COPG2: variants seen among roughly 807,000 people sequenced by gnomAD.
COPG2 encodes coat protein complex I subunit gamma 2.
A neutral mutation model predicts 46.3 loss-of-function variants in COPG2; 37 were observed. The ratio of observed to expected loss-of-function variants is 0.80; its 90% CI spans 0.61 to 1.05. The LOEUF (loss-of-function observed/expected upper bound fraction) is 1.05, where lower values mean the gene tolerates loss of function less well. Ranked by LOEUF, COPG2 falls within the 50% of genes least tolerant of loss-of-function variation. The pLI is 0.00. For missense variants in COPG2, 427 were observed against 387.8 expected, an observed-to-expected ratio of 1.10 and a Z score of -0.85; for synonymous variants, 159 against 129.7, an observed-to-expected ratio of 1.23 and a Z score of -1.53.
chr7:130,543,519 G>T (rs1171041185), intron 20 of COPG2, among the ~76,000 whole-genome samples: 3 of 152,194 alleles, frequency 2.0e-5, no homozygotes, highest in Non-Finnish European at 2.9e-5. Flanking sequence ...TCTGAAGGAT[G>T]AGCTTCATCA....
chr7:130,519,005 CAAAAAAAAAA>C (rs1163859617), intron 20 of COPG2, among the ~76,000 whole-genome samples: 1 of 116,468 alleles, frequency 8.6e-6, no homozygotes, highest in Non-Finnish European at 1.7e-5. Flanking sequence ...GACTCTGTCT[CAAAAAAAAAA>C]AAAAAAAAGA....
chr7:130,528,207 C>T (rs1331037573), intron 20 of COPG2, among the ~76,000 whole-genome samples: 11 of 151,830 alleles, frequency 7.2e-5, no homozygotes, highest in African/African-American at 2.7e-4. Flanking sequence ...AGAGGGTGGG[C>T]AGGTGGAGTG....
At chr7:130,549,620 G>A (rs1793504278) in intron 17 of COPG2, among the ~76,000 whole-genome samples, 2 of 152,020 alleles carry the variant, frequency 1.3e-5, no homozygotes, top group East Asian at 1.9e-4. Flanking sequence ...TAAATGGACT[G>A]GAATGTACAA....
intron 9 of COPG2, among the ~76,000 whole-genome samples, chr7:130,603,645 C>T (rs1483804892): frequency 1.4e-5 from 2 of 145,018 alleles, no homozygotes; most frequent in Admixed American, 7.4e-5. Context: ...CAATTGAACC[C>T]GGGAGGCAGA....
At chr7:130,647,615 T>A (rs925311288) in intron 5 of COPG2, among the ~76,000 whole-genome samples, 2 of 152,168 alleles carry the variant, frequency 1.3e-5, no homozygotes, top group African/African-American at 4.8e-5. Flanking sequence ...CTATCTACAG[T>A]GTATGGGAGT....
intron 5 of COPG2, among the ~76,000 whole-genome samples, chr7:130,620,828 A>G (rs1554453533): frequency 6.6e-6 from 1 of 152,168 alleles, no homozygotes; most frequent in South Asian, 2.1e-4. Flanking sequence ...AATATGGTGA[A>G]TGTGTTTTGC....
intron 5 of COPG2, among the ~76,000 whole-genome samples, chr7:130,643,461 A>T (rs1349313178): frequency 6.6e-6 from 1 of 152,072 alleles, no homozygotes; most frequent in African/African-American, 2.4e-5. Context: ...CATTATTATT[A>T]TTTTTTTAAG....
rs1487112197 is a variant in COPG2 at position 130,574,241 on chromosome 7, ATAT to A, written c.738-9851_738-9849del. Among the ~76,000 whole-genome samples, 6 of 152,336 alleles carry A rather than the reference ATAT, an allele frequency of 3.9e-5. No individual in the cohort carries two copies. In the South Asian group the frequency reaches 6.2e-4, roughly 16 times the overall value. On this transcript the variant is annotated intron_variant, in intron 9 of 23. Coordinates refer to ENST00000425248, the MANE Select transcript of COPG2 (RefSeq NM_012133.6). ...TGCTACAACACAGTGAACCTCAAAA[ATAT>A]TATATTAAGTGAAAGAGCATAAAGT...
At chr7:130,575,547 A>G (rs1411313502) in intron 9 of COPG2, among the ~76,000 whole-genome samples, 1 of 152,186 alleles carries the variant, frequency 6.6e-6, no homozygotes, top group Admixed American at 6.6e-5. Context: ...AGGACTACTA[A>G]AAGGAGCCCT....
intron 20 of COPG2, among the ~76,000 whole-genome samples, chr7:130,513,314 T>A (rs1283248147): frequency 0.075 from 2,566 of 34,118 alleles, 59 homozygotes; most frequent in Non-Finnish European, 0.11. Flanking sequence ...AAAAAATATA[T>A]ATATATATAT....
At chr7:130,531,006 A>C (rs1385671439) in intron 20 of COPG2, among the ~76,000 whole-genome samples, 4 of 136,456 alleles carry the variant, frequency 2.9e-5, no homozygotes. Context: ...TTTGTTGCAA[A>C]GGTGTGAATC....
Position 130,610,944 on chromosome 7 carries a change from G to A in COPG2, c.737+9C>T, listed in dbSNP as rs1584577228. On this transcript the variant is annotated intron_variant, in intron 9 of 23. Coordinates refer to ENST00000425248, the MANE Select transcript of COPG2 (RefSeq NM_012133.6). ...GGAAAATAACCCAGGTTTAGGTGAAGACACTTACCCATCCTCAGTTTCTTT... is the reference window on the plus strand; with the variant it reads ...GGAAAATAACCCAGGTTTAGGTGAAAACACTTACCCATCCTCAGTTTCTTT... 6.2e-7 allele frequency: 1 copy of A among 1,613,674 alleles called. No homozygotes were observed. The highest frequency in any genetic ancestry group is 8.5e-7 in the Non-Finnish European group (1 of 1,179,664).
Position 130,655,999 on chromosome 7 carries a change from A to G in COPG2, c.244-3051T>C, listed in dbSNP as rs963933066. On this transcript the variant is annotated intron_variant, in intron 4 of 23. Transcript: ENST00000425248. Reference sequence around the variant, plus strand: ...AAAGAACACAGTCTATATGATTTCAATCCTTTGAAATGTGTTGTGTCTTGC... The same window carrying G: ...AAAGAACACAGTCTATATGATTTCAGTCCTTTGAAATGTGTTGTGTCTTGC... 3.9e-5 allele frequency among the ~76,000 whole-genome samples: 6 copies of G among 152,116 alleles called. No individual in the cohort carries two copies. In the East Asian group the frequency reaches 7.7e-4, roughly 20 times the overall value.
rs573022660 is a variant in COPG2 at position 130,507,265 on chromosome 7, G to A, written c.2485+9C>T. 1.3e-6 allele frequency: 1 copy of A among 780,548 alleles called. No individual in the cohort carries two copies. The highest frequency in any genetic ancestry group is 2.4e-6 in the Non-Finnish European group (1 of 417,762). 48.4% of individuals were successfully genotyped at this position (780,548 alleles called of 1,614,324 possible). A position where few individuals can be genotyped will look rare whatever the true frequency, so the allele number is the denominator to read the frequency against. The stretch of plus-strand genomic sequence containing the variant: ...AAAATGGAAGGAAAATCTGATGGAA[G>A]CTTCTTACCTGCCAGATAGAGCGAA... On this transcript the variant is annotated intron_variant, in intron 23 of 23. Transcript: ENST00000425248.
Position 130,612,197 on chromosome 7 carries a change from G to C in COPG2, c.534C>G (p.Ile178Met), listed in dbSNP as rs782109895. Residue 178 changes from isoleucine (I) to methionine (M), a missense_variant, in exon 8 of 24, where the codon ATC becomes ATG. Ile to Met is a conservative substitution (Grantham distance 10). Coordinates refer to ENST00000425248, the MANE Select transcript of COPG2 (RefSeq NM_012133.6). ...TTGATGCAGCTTCTTGGGCTTCATT[G>C]ATCCAGCGCTTAACCACATCATAGC... ...KISYDVVKRW[I>M]NEAQEAASSD... is the part of the protein sequence containing the mutation. 6.2e-7 allele frequency: 1 copy of C among 1,611,008 alleles called. No homozygotes were observed. Among genetic ancestry groups the C allele is most frequent in the Non-Finnish European group, 8.5e-7 (1 of 1,178,854 alleles).
chr7:130,521,400 T>C (rs1409061015), intron 20 of COPG2, among the ~76,000 whole-genome samples: 1 of 152,096 alleles, frequency 6.6e-6, no homozygotes, highest in Non-Finnish European at 1.5e-5. Context: ...CACAGTATGC[T>C]GGAAAGAAGA....
At chr7:130,646,725 T>G (rs1584606416) in intron 5 of COPG2, among the ~76,000 whole-genome samples, 1 of 151,958 alleles carries the variant, frequency 6.6e-6, no homozygotes, top group Non-Finnish European at 1.5e-5. Flanking sequence ...TGAGTTCTCA[T>G]GAGATCTGAT....
At chr7:130,624,866 A>C (rs781895312) in intron 5 of COPG2, among the ~76,000 whole-genome samples, 15 of 152,204 alleles carry the variant, frequency 9.9e-5, no homozygotes, top group Non-Finnish European at 1.6e-4. Context: ...CTGTGCTGTT[A>C]TAAACATGCA....
rs949309290 is a variant in COPG2 at position 130,545,829 on chromosome 7, C to A, written c.2149+1845G>T. Among the ~76,000 whole-genome samples, 667 of 152,072 alleles carry A rather than the reference C, an allele frequency of 4.4e-3. 6 individuals carry two copies. Among genetic ancestry groups the A allele is most frequent in the African/African-American group, 0.015 (621 of 41,490 alleles). On this transcript the variant is annotated intron_variant, in intron 20 of 23. Coordinates refer to ENST00000425248, the MANE Select transcript of COPG2 (RefSeq NM_012133.6). ...TCCTTAGTGAAGAGGGGCAAGAAAA[C>A]CTCTCCTCTTTTTCCTCTCTTGGTG... is the stretch of plus-strand genomic sequence containing the variant.
Sources: allele counts gnomAD v4.1 joint callset (sites outside exome capture counted in the v4.1 genomes callset), GRCh38; gene constraint gnomAD v4.1.1; transcripts MANE v1.5; gene names NCBI Gene and HGNC (gene_info 2026-07-23, HGNC 2026-07-21).